The following RBM38 variants were observed in gnomAD, a reference collection of about 807,000 sequenced individuals.
RBM38 encodes RNA binding motif protein 38.
Under a neutral mutation model 23.5 loss-of-function variants are expected in RBM38, and 11 were observed. That is an observed-to-expected ratio of 0.47 (90% confidence interval 0.29 to 0.77). RBM38 has a LOEUF of 0.77. Ranked by LOEUF, RBM38 falls within the 30% of genes least tolerant of loss-of-function variation. The pLI, the probability that RBM38 is intolerant of heterozygous loss-of-function variation, is 0.08. For missense variants in RBM38, 330 were observed against 351.9 expected, an observed-to-expected ratio of 0.94 and a Z score of 0.50; for synonymous variants, 165 against 166.1, an observed-to-expected ratio of 0.99 and a Z score of 0.05.
intron 1 of RBM38, among the ~76,000 whole-genome samples, 182 bp downstream of exon 1, chr20:57,392,000 C>G (rs1242370093): frequency 8.2e-6 from 1 of 122,200 alleles, no homozygotes; most frequent in Non-Finnish European, 1.8e-5. Flanking sequence ...GCCCCCACCA[C>G]CCCAGGCCCC....
chr20:57,407,022 A>AGGAGCAGGTGTTGGCTGGG lies in RBM38; in HGVS notation c.417-520_417-502dup, dbSNP rs1296773473. On this transcript the variant is annotated intron_variant, in intron 3 of 3. Transcript: ENST00000356208. The surrounding 1 kb of genome is among the most constrained non-coding windows in gnomAD (Gnocchi z 4.0). ...AAAAAAAAAAAAAACAAACCCTGTG[A>AGGAGCAGGTGTTGGCTGGG]GGAGCAGGTGTTGGCTGGGAGAGCA... 4.0e-3 allele frequency among the ~76,000 whole-genome samples: 595 copies of AGGAGCAGGTGTTGGCTGGG among 148,718 alleles called. 6 individuals carry two copies. The highest frequency in any genetic ancestry group is 0.014 in the African/African-American group (577 of 40,300).
At chr20:57,399,887 A>G in intron 3 of RBM38, 1 of 456,346 alleles carries the variant, frequency 2.2e-6, no homozygotes, top group Non-Finnish European at 4.4e-6. Flanking sequence ...GAGCAGGGAA[A>G]GTGAAATGGG....
Position 57,407,797 on chromosome 20 carries a change from C to A in RBM38, c.671C>A (p.Thr224Asn). The change falls in exon 4 of 4, where the codon ACT (threonine) becomes AAT (asparagine). Residue 224 changes from threonine to asparagine, a missense_variant. By Grantham distance (65) the Thr-to-Asn change is moderately conservative. This residue lies in a region of RBM38 where 227 missense variants were observed against 216.4 expected (regional missense o/e 1.05). Transcript: ENST00000356208. This position sits in a 1 kb window ranked among gnomAD's most constrained non-coding sequence, Gnocchi z 4.0. Reference sequence around the variant, plus strand: ...TCAGCCGCAGCACCCGCGGGCACCACTTTCGTGCAGTACCAGGCGCCGCAG... The same window carrying A: ...TCAGCCGCAGCACCCGCGGGCACCAATTTCGTGCAGTACCAGGCGCCGCAG... ...ALSAAAPAGT[T>N]FVQYQAPQLQ... 6.2e-7 allele frequency: 1 copy of A among 1,600,256 alleles called. No individual in the cohort carries two copies. Among genetic ancestry groups the A allele is most frequent in the African/African-American group, 1.3e-5 (1 of 74,826 alleles).
intron 2 of RBM38, chr20:57,392,990 G>T (rs1184895836): frequency 1.4e-5 from 10 of 728,646 alleles, no homozygotes; most frequent in Non-Finnish European, 2.2e-5. Flanking sequence ...GGGGCAGGGA[G>T]GGTACTGCAC....
chr20:57,393,572 G>A (rs563381058), intron 3 of RBM38, among the ~76,000 whole-genome samples: 1 of 152,304 alleles, frequency 6.6e-6, no homozygotes, highest in East Asian at 1.9e-4. Flanking sequence ...AGCTCCCTTC[G>A]CTAGGTGTGT....
At chr20:57,401,746 G>T (rs909168844) in intron 3 of RBM38, among the ~76,000 whole-genome samples, 3 of 152,242 alleles carry the variant, frequency 2.0e-5, no homozygotes, top group Non-Finnish European at 4.4e-5. Context: ...GTGGTGGGAA[G>T]GAGTCGAATC....
chr20:57,400,036 T>C, intron 3 of RBM38: 1 of 454,356 alleles, frequency 2.2e-6, no homozygotes, highest in Non-Finnish European at 4.4e-6. Context: ...CCATCTGTAC[T>C]TCTCTCTCCC....
intron 3 of RBM38, among the ~76,000 whole-genome samples, chr20:57,404,606 C>T (rs1048574512): frequency 2.0e-5 from 3 of 152,228 alleles, no homozygotes; most frequent in African/African-American, 7.2e-5. Context: ...GGCCAGAGCT[C>T]CTCATCCTTC....
intron 3 of RBM38, among the ~76,000 whole-genome samples, chr20:57,399,186 C>T (rs2067303639): frequency 6.6e-6 from 1 of 152,210 alleles, no homozygotes; most frequent in South Asian, 2.1e-4. Flanking sequence ...GTAGCCTCAG[C>T]TCCTAGAGGA....
intron 3 of RBM38, among the ~76,000 whole-genome samples, chr20:57,397,636 G>A (rs548620679): frequency 1.2e-4 from 18 of 152,384 alleles, no homozygotes; most frequent in African/African-American, 3.6e-4. Flanking sequence ...GCAAGAGGAC[G>A]TACTGGGGAG....
intron 3 of RBM38, among the ~76,000 whole-genome samples, chr20:57,397,223 C>T (rs1027620889): frequency 6.1e-4 from 93 of 152,344 alleles, no homozygotes; most frequent in East Asian, 1.9e-4. Context: ...TTGTCAGTGA[C>T]GCATCTCTTG....
intron 1 of RBM38, 166 bp from the exon 2 acceptor site, chr20:57,392,488 C>T (rs1464990064): frequency 3.3e-6 from 5 of 1,534,304 alleles, no homozygotes; most frequent in East Asian, 2.4e-5. Context: ...GTGGGAGAGC[C>T]CCAGGTAGGG....
chr20:57,405,735 C>T (rs1341397499), intron 3 of RBM38, among the ~76,000 whole-genome samples: 1 of 151,852 alleles, frequency 6.6e-6, no homozygotes, highest in African/African-American at 2.4e-5. Flanking sequence ...CCTCTCTGAC[C>T]CTGAGGGTCC....
At chr20:57,396,577 C>G (rs1271942766) in intron 3 of RBM38, among the ~76,000 whole-genome samples, 1 of 152,220 alleles carries the variant, frequency 6.6e-6, no homozygotes, top group Non-Finnish European at 1.5e-5. Flanking sequence ...GCGGGTCTCC[C>G]TGCCTGTTAA....
At chr20:57,393,642 T>C (rs2067244028) in intron 3 of RBM38, among the ~76,000 whole-genome samples, 1 of 152,240 alleles carries the variant, frequency 6.6e-6, no homozygotes, top group African/African-American at 2.4e-5. Flanking sequence ...GTTCTCTGAA[T>C]GGAGGGCCTA....
At chr20:57,392,627 G>C in intron 1 of RBM38, 27 bp from the exon 2 acceptor site, 2 of 1,598,992 alleles carry the variant, frequency 1.3e-6, no homozygotes, top group South Asian at 2.2e-5. Flanking sequence ...CCCCACGGCA[G>C]CCCCTGATGT....
At chr20:57,401,868 G>A (rs896357226) in intron 3 of RBM38, among the ~76,000 whole-genome samples, 1 of 152,188 alleles carries the variant, frequency 6.6e-6, no homozygotes, top group Non-Finnish European at 1.5e-5. Flanking sequence ...AAGCCACAAG[G>A]GAGCAGTTTG....
chr20:57,396,617 TCA>T (rs2067276977), intron 3 of RBM38, among the ~76,000 whole-genome samples: 1 of 152,202 alleles, frequency 6.6e-6, no homozygotes, highest in African/African-American at 2.4e-5. Flanking sequence ...TGACTCCCGT[TCA>T]CAGAGTGCCT....
intron 3 of RBM38, among the ~76,000 whole-genome samples, chr20:57,400,844 C>T (rs6025531): frequency 0.096 from 14,575 of 152,142 alleles, 2,243 homozygotes; most frequent in African/African-American, 0.33. Context: ...TGGAAGGAAA[C>T]TGGAAGGGAA....
Sources: gnomAD v4.1 joint callset for allele counts (sites outside exome capture counted in the v4.1 genomes callset) on GRCh38, gnomAD v4.1.1 for gene constraint, gnomAD v4.1.1 regional missense constraint, Gnocchi (gnomAD v3.1) non-coding constraint, MANE v1.5 for transcripts, NCBI Gene and HGNC (gene_info 2026-07-23, HGNC 2026-07-21) for gene names.